Variants in BAIAP2 observed in about 807,000 individuals in gnomAD.
BAIAP2 encodes BAR/IMD domain containing adaptor protein 2, also known as BAR/IMD domain-containing adapter protein 2.
In BAIAP2, 18 loss-of-function variants were observed where a neutral mutation model predicts 63.0. The observed-to-expected ratio is 0.29, with a 90% CI of 0.20 to 0.42. The LOEUF is 0.42. Among genes scored for constraint, BAIAP2 ranks in the 10% least tolerant of loss-of-function variants. The probability of loss-of-function intolerance (pLI) is 1.00; values close to 1 mark genes in which losing one functional copy is unlikely to be tolerated. For synonymous variants in BAIAP2, 386 were observed against 307.6 expected, an observed-to-expected ratio of 1.25 and a Z score of -2.67; for missense variants, 610 against 734.3, an observed-to-expected ratio of 0.83 and a Z score of 1.96.
chr17:81,116,088 G>A lies in BAIAP2; in HGVS notation c.*249G>A, dbSNP rs1568209479. 3 of 1,507,452 alleles carry A rather than the reference G, an allele frequency of 2.0e-6. No homozygotes were observed. The highest frequency in any genetic ancestry group is 2.7e-6 in the Non-Finnish European group (3 of 1,131,388). The allele number at this position is 1,507,452 out of a possible 1,614,324, so 93.4% of individuals were successfully genotyped here. A position where few individuals can be genotyped will look rare whatever the true frequency, so the allele number is the denominator to read the frequency against. ...CAGGGCTGAGGGGCCGCCTCTTGAG[G>A]GTACACGCCTCTGGTCACATGGCCA... On this transcript the variant is annotated 3_prime_UTR_variant, in exon 14 of 14. Coordinates refer to ENST00000428708, the MANE Select transcript of BAIAP2 (RefSeq NM_001144888.2).
chr17:81,108,377 C>G, intron 12 of BAIAP2, 98 bp from the exon 13 acceptor site: 1 of 1,374,682 alleles, frequency 7.3e-7, no homozygotes, highest in Non-Finnish European at 1.0e-6. Context: ...TGAACCTTGT[C>G]CAGGCAGGAT....
chr17:81,091,621 C>T (rs548810732), intron 6 of BAIAP2, among the ~76,000 whole-genome samples: 25 of 152,306 alleles, frequency 1.6e-4, no homozygotes, highest in African/African-American at 6.0e-4. Flanking sequence ...GCCCACACGT[C>T]GTTGGAGTGC....
At chr17:81,072,068 G>A (rs536933712) in intron 3 of BAIAP2, among the ~76,000 whole-genome samples, 36 of 152,286 alleles carry the variant, frequency 2.4e-4, no homozygotes, top group South Asian at 4.1e-4. Flanking sequence ...CTCCTCCTTC[G>A]AGCGCCCACG....
chr17:81,040,445 C>T (rs2143491766), intron 1 of BAIAP2, among the ~76,000 whole-genome samples: 1 of 152,390 alleles, frequency 6.6e-6, no homozygotes, highest in South Asian at 2.1e-4. Flanking sequence ...TGTGCCTGTA[C>T]AGCTGCACAA....
rs932913195 is a variant in BAIAP2 at position 81,043,610 on chromosome 17, G to A, written c.54+8302G>A. On this transcript the variant is annotated intron_variant, in intron 1 of 13. Coordinates refer to ENST00000428708, the MANE Select transcript of BAIAP2 (RefSeq NM_001144888.2). ...GCCCTGTCACTGCTCACACTGGAGC[G>A]TCCTGGCACCCGGGAGGCCCTGCCA... 7.9e-5 allele frequency among the ~76,000 whole-genome samples: 12 copies of A among 152,280 alleles called. No individual in the cohort carries two copies. The South Asian group carries it at 2.1e-3, about 26-fold the overall frequency.
At chr17:81,110,245 C>T (rs943085672) in intron 13 of BAIAP2, 276 of 984,898 alleles carry the variant, frequency 2.8e-4, no homozygotes, top group Non-Finnish European at 3.2e-4. Context: ...CAGCTCAAGA[C>T]GCGGACCGCG....
At chr17:81,070,898 G>A (rs1434999624) in intron 3 of BAIAP2, among the ~76,000 whole-genome samples, 2 of 152,210 alleles carry the variant, frequency 1.3e-5, no homozygotes, top group Non-Finnish European at 2.9e-5. Flanking sequence ...GGAGCCGGCG[G>A]GTTGGAGTGG....
rs1005199607 is a variant in BAIAP2, at chr17:81,095,351, C to T, written c.490-4577C>T. 3.3e-5 allele frequency among the ~76,000 whole-genome samples: 5 copies of T among 152,188 alleles called. No homozygotes were observed. The East Asian group carries it at 9.6e-4, about 29-fold the overall frequency. Reference sequence around the variant, plus strand: ...CCCCGTATAGGTCATCCCCGTCCAACAGCAGGTCACAGTTGGCCGGGCCCT... The same window carrying T: ...CCCCGTATAGGTCATCCCCGTCCAATAGCAGGTCACAGTTGGCCGGGCCCT... On this transcript the variant is annotated intron_variant, in intron 6 of 13. Transcript: ENST00000428708.
intron 1 of BAIAP2, among the ~76,000 whole-genome samples, chr17:81,035,730 C>T (rs1290463825): frequency 3.9e-4 from 59 of 151,958 alleles, no homozygotes; most frequent in Non-Finnish European, 7.4e-5. Flanking sequence ...GCGGCGGGCC[C>T]AGGGGTTGCG....
At chr17:81,098,793 G>A (rs910752441) in intron 6 of BAIAP2, among the ~76,000 whole-genome samples, 2 of 152,202 alleles carry the variant, frequency 1.3e-5, no homozygotes, top group African/African-American at 4.8e-5. Context: ...CAGGGCCACA[G>A]ACGCAAGGGC....
In BAIAP2 at chr17:81,103,888, T is replaced by C; in HGVS notation, c.865-19T>C. 6.2e-7 allele frequency: 1 copy of C among 1,612,380 alleles called. No homozygotes were observed. The highest frequency in any genetic ancestry group is 8.5e-7 in the Non-Finnish European group (1 of 1,179,780). Reference sequence around the variant, plus strand: ...GGGGTGGGCTCCAGCAACAGCCTGCTCTGCCTGCTTCCCTGCAGCGGATGT... The same window carrying C: ...GGGGTGGGCTCCAGCAACAGCCTGCCCTGCCTGCTTCCCTGCAGCGGATGT... On this transcript the variant is annotated intron_variant, in intron 8 of 13. Coordinates refer to ENST00000428708, the MANE Select transcript of BAIAP2 (RefSeq NM_001144888.2).
intron 13 of BAIAP2, among the ~76,000 whole-genome samples, chr17:81,111,245 C>T (rs1322680945): frequency 6.6e-6 from 1 of 152,256 alleles, no homozygotes; most frequent in African/African-American, 2.4e-5. Flanking sequence ...TCTGTGTGGT[C>T]CTCTCCTGCC....
chr17:81,067,470 A>G (rs987360821), intron 3 of BAIAP2, among the ~76,000 whole-genome samples: 7 of 152,190 alleles, frequency 4.6e-5, no homozygotes, highest in Admixed American at 1.3e-4. Context: ...CCGCCTGCCA[A>G]CAGCTTTGCG....
At chr17:81,067,543 C>T (rs1043026882) in intron 3 of BAIAP2, among the ~76,000 whole-genome samples, 11 of 151,490 alleles carry the variant, frequency 7.3e-5, no homozygotes, top group South Asian at 2.1e-4. Flanking sequence ...GTGTTGCAGC[C>T]GCGGCAGCCA....
intron 13 of BAIAP2, chr17:81,109,210 C>T: frequency 7.1e-7 from 1 of 1,399,688 alleles, no homozygotes. Context: ...TGTTTACGCG[C>T]CCCATCCTGT....
chr17:81,097,491 G>C (rs1223673129), intron 6 of BAIAP2: 5 of 152,322 alleles, frequency 3.3e-5, no homozygotes, highest in Non-Finnish European at 7.3e-5. Flanking sequence ...ACCCGGCCCG[G>C]CACTGCCCAC....
chr17:81,064,404 C>T (rs778945515), intron 3 of BAIAP2, among the ~76,000 whole-genome samples: 9 of 152,178 alleles, frequency 5.9e-5, no homozygotes, highest in Non-Finnish European at 1.3e-4. Flanking sequence ...TGATGCTGCC[C>T]GCTCCCCCTT....
Position 81,048,794 on chromosome 17 carries a change from C to T in BAIAP2, c.55-4874C>T, listed in dbSNP as rs981895047. Among the ~76,000 whole-genome samples the T allele has an allele frequency of 4.6e-5, 7 of 152,242 alleles. No individual in the cohort carries two copies. In the South Asian group the frequency reaches 6.2e-4, roughly 14 times the overall value. ...CTGTGGTCAAGGCCTGGATTCCATGCGACTCCAGGGCCACTGGGACATCCG... is the reference window on the plus strand; with the variant it reads ...CTGTGGTCAAGGCCTGGATTCCATGTGACTCCAGGGCCACTGGGACATCCG... On this transcript the variant is annotated intron_variant, in intron 1 of 13. Transcript: ENST00000428708.
chr17:81,087,190 A>C (rs2055819841), intron 6 of BAIAP2, among the ~76,000 whole-genome samples: 1 of 152,202 alleles, frequency 6.6e-6, no homozygotes, highest in Non-Finnish European at 1.5e-5. Context: ...AACACAAAAC[A>C]AGATGCCCAG....
Sources: allele counts gnomAD v4.1 joint callset (sites outside exome capture counted in the v4.1 genomes callset), GRCh38; gene constraint gnomAD v4.1.1; transcripts MANE v1.5; gene names NCBI Gene and HGNC (gene_info 2026-07-23, HGNC 2026-07-21).